Variants in MAD2L2 observed in about 807,000 individuals in gnomAD.
MAD2L2 encodes the protein mitotic spindle assembly checkpoint protein MAD2B.
A neutral mutation model predicts 30.5 loss-of-function variants in MAD2L2; 17 were observed. The ratio of observed to expected loss-of-function variants is 0.56; its 90% CI spans 0.38 to 0.84. MAD2L2 has a LOEUF of 0.84. MAD2L2 is among the 40% of genes least tolerant of loss of function. MAD2L2 has a pLI of 0.00. For missense variants in MAD2L2, 213 were observed against 277.4 expected (o/e 0.77, Z 1.65); for synonymous variants, 101 against 113.9 (o/e 0.89, Z 0.72).
intron 1 of MAD2L2, 186 bp downstream of exon 1, chr1:11,680,853 A>C: frequency 8.6e-7 from 1 of 1,161,668 alleles, no homozygotes; most frequent in Non-Finnish European, 1.1e-6. Flanking sequence ...GCGGGGTGGA[A>C]AGACCACAGC....
At chr1:11,678,759 C>T (rs775951961) in intron 3 of MAD2L2, among the ~76,000 whole-genome samples, 2 of 152,326 alleles carry the variant, frequency 1.3e-5, no homozygotes, top group African/African-American at 2.4e-5. Context: ...AATCAAATAT[C>T]GCCAGCGGAA....
At chr1:11,677,673 C>T (rs1640794717) in intron 3 of MAD2L2, 59 bp from the exon 4 acceptor site, 3 of 1,440,446 alleles carry the variant, frequency 2.1e-6, no homozygotes, top group Admixed American at 1.7e-5. Flanking sequence ...AACCACCCAA[C>T]ACAACCAGGA....
chr1:11,683,886 A>G (rs1640915093), upstream of MAD2L2, among the ~76,000 whole-genome samples: 1 of 152,150 alleles, frequency 6.6e-6, no homozygotes, highest in Non-Finnish European at 1.5e-5. Context: ...CAGGACAGTC[A>G]CTTGAACCCG....
In MAD2L2 at chr1:11,676,488, G is replaced by A. The variant is rs74497137; in HGVS notation, c.333-348C>T. 3.4e-3 allele frequency among the ~76,000 whole-genome samples: 524 copies of A among 152,282 alleles called. 2 individuals are homozygous for A. Among genetic ancestry groups the A allele is most frequent in the African/African-American group, 0.011 (473 of 41,548 alleles). Reference sequence around the variant, plus strand: ...GGGCTTGCCTAAGGCCACACAGGCCGTGGGGACAGGTTGGTGCCAGATTCC... The same window carrying A: ...GGGCTTGCCTAAGGCCACACAGGCCATGGGGACAGGTTGGTGCCAGATTCC... On this transcript the variant is annotated intron_variant, in intron 5 of 8. Coordinates refer to ENST00000376692, the MANE Select transcript of MAD2L2 (RefSeq NM_006341.4).
chr1:11,689,317 G>T (rs113849961), intron 1 of MAD2L2, among the ~76,000 whole-genome samples: 34 of 127,768 alleles, frequency 2.7e-4, no homozygotes, highest in Admixed American at 4.8e-4. Flanking sequence ...AAAAAAAAAG[G>T]CTGGGTGCTG....
At position 11,688,993 on chromosome 1, in the gene MAD2L2, G is replaced by A. The variant is rs1157665383; in HGVS notation, c.-692+2420C>T. Among the ~76,000 whole-genome samples, 1 of 152,020 alleles carries A rather than the reference G, an allele frequency of 6.6e-6. No homozygotes were observed. The highest frequency in any genetic ancestry group is 2.1e-4 in the South Asian group (1 of 4,812). On this transcript the variant is annotated intron_variant, in intron 1 of 10. Coordinates refer to the MAD2L2 transcript ENST00000235310. This position sits in a 1 kb window ranked among gnomAD's most constrained non-coding sequence, Gnocchi z 4.6. ...GCAACATCAGGACGTTACCCTATATGGTCTAAAAAGGGGAAGCAAAGGCCA... is the reference window on the plus strand; with the variant it reads ...GCAACATCAGGACGTTACCCTATATAGTCTAAAAAGGGGAAGCAAAGGCCA...
At chr1:11,680,743 C>T in intron 1 of MAD2L2, 130 bp from the exon 2 acceptor site, 2 of 1,414,276 alleles carry the variant, frequency 1.4e-6, no homozygotes, top group South Asian at 1.6e-5. Flanking sequence ...CGCACAGGCT[C>T]AGGGCAGCTG....
chr1:11,676,717 A>T (rs1023811673), intron 5 of MAD2L2, 131 bp downstream of exon 5: 1 of 725,148 alleles, frequency 1.4e-6, no homozygotes, highest in Non-Finnish European at 2.5e-6. Flanking sequence ...TCCCCTTGTC[A>T]TGCTGGTGCT....
intron 3 of MAD2L2, among the ~76,000 whole-genome samples, chr1:11,678,376 A>T (rs569332206): frequency 2.0e-5 from 3 of 152,294 alleles, no homozygotes; most frequent in Admixed American, 6.5e-5. Flanking sequence ...AAGCCACTGC[A>T]CTCCAGCTTG....
chr1:11,686,225 T>C (rs1640953254), intron 1 of MAD2L2, among the ~76,000 whole-genome samples: 1 of 152,138 alleles, frequency 6.6e-6, no homozygotes, highest in African/African-American at 2.4e-5. Flanking sequence ...AGACAAGGAC[T>C]TCCTGCTGAC....
At chr1:11,676,171 C>T (rs1159061845) in intron 5 of MAD2L2, 31 bp from the exon 6 acceptor site, 15 of 1,435,426 alleles carry the variant, frequency 1.0e-5, no homozygotes, top group Non-Finnish European at 1.3e-5. Context: ...TCCCATCACA[C>T]TGGCGCCCTC....
chr1:11,683,959 G>C (rs1216341532), upstream of MAD2L2, among the ~76,000 whole-genome samples: 1 of 152,208 alleles, frequency 6.6e-6, no homozygotes, highest in East Asian at 1.9e-4. Flanking sequence ...CAACAAGAGC[G>C]AGAACTCCAT....
Position 11,690,645 on chromosome 1 carries a change from C to T in MAD2L2, c.-692+768G>A, listed in dbSNP as rs1251206654. On this transcript the variant is annotated intron_variant, in intron 1 of 10. Transcript: ENST00000235310. This position sits in a 1 kb window ranked among gnomAD's most constrained non-coding sequence, Gnocchi z 4.2. Reference sequence around the variant, plus strand: ...AACAGTCGAAATGGAAGCCACCTGGCGAGCTCAGGGCGCCAGGTGGGAGCG... The same window carrying T: ...AACAGTCGAAATGGAAGCCACCTGGTGAGCTCAGGGCGCCAGGTGGGAGCG... Among the ~76,000 whole-genome samples, 1 of 152,176 alleles carries T rather than the reference C, an allele frequency of 6.6e-6. No individual in the cohort carries two copies. The highest frequency in any genetic ancestry group is 2.4e-5 in the African/African-American group (1 of 41,440).
chr1:11,683,354 G>A (rs138263622), upstream of MAD2L2, among the ~76,000 whole-genome samples: 95 of 152,306 alleles, frequency 6.2e-4, no homozygotes, highest in African/African-American at 2.0e-3. Flanking sequence ...GGAAACTGAG[G>A]TCCCAACAGC....
At chr1:11,675,784 C>A (rs2233024) in intron 6 of MAD2L2, 53 bp from the exon 7 acceptor site, 288,523 of 1,457,718 alleles carry the variant, frequency 0.2, 29,739 homozygotes, top group Admixed American at 0.22. Context: ...GTGCCAGCCA[C>A]TGGGCCCAGC....
intron 3 of MAD2L2, among the ~76,000 whole-genome samples, chr1:11,679,400 TTTTAGCCTTAACCCATTGAG>T (rs1285392079): frequency 1.3e-5 from 2 of 152,198 alleles, no homozygotes; most frequent in Admixed American, 6.5e-5. Context: ...TTTGTCTGCC[TTTTAGCCTTAACCCATTGAG>T]TTTAGGATAA....
upstream of MAD2L2, among the ~76,000 whole-genome samples, chr1:11,683,122 G>T (rs1311052639): frequency 1.3e-5 from 2 of 152,178 alleles, no homozygotes; most frequent in Admixed American, 6.5e-5. Context: ...TGGGGCCTGG[G>T]GTGGGGAAAC....
At position 11,688,152 on chromosome 1, in the gene MAD2L2, G is replaced by A. The variant is rs1275476926; in HGVS notation, c.-692+3261C>T. ...CTTGGCGACGCAAATCATGCTGGCT[G>A]CACACTGCCCCCTCTCCCAGGCCCA... On this transcript the variant is annotated intron_variant, in intron 1 of 10. Coordinates refer to the MAD2L2 transcript ENST00000235310. The surrounding 1 kb of genome is among the most constrained non-coding windows in gnomAD (Gnocchi z 4.6). 6.6e-6 allele frequency among the ~76,000 whole-genome samples: 1 copy of A among 152,148 alleles called. No homozygotes were observed. Among genetic ancestry groups the A allele is most frequent in the Non-Finnish European group, 1.5e-5 (1 of 68,026 alleles).
At chr1:11,684,194 G>T (rs539243288), upstream of MAD2L2, among the ~76,000 whole-genome samples, 3 of 152,238 alleles carry the variant, frequency 2.0e-5, no homozygotes, top group East Asian at 5.8e-4. Flanking sequence ...GCAGGGGGCC[G>T]AGTCAGCATG....
Sources: gnomAD v4.1 joint callset for allele counts (sites outside exome capture counted in the v4.1 genomes callset) on GRCh38, gnomAD v4.1.1 for gene constraint, Gnocchi (gnomAD v3.1) non-coding constraint, MANE v1.5 for transcripts, NCBI Gene and HGNC (gene_info 2026-07-23, HGNC 2026-07-21) for gene names.